RIGI: variants seen among roughly 807,000 people sequenced by gnomAD.
The protein encoded by RIGI is RNA sensor RIG-I, also known as antiviral innate immune response receptor RIG-I.
the RIGI span, chr9:32,500,992 G>A: frequency 6.3e-7 from 1 of 1,592,270 alleles, no homozygotes; most frequent in Non-Finnish European, 8.5e-7. Context: ...TTAATCATTA[G>A]AAGAAAAACC....
At chr9:32,509,371 T>A in the RIGI span, among the ~76,000 whole-genome samples, 1 of 152,186 alleles carries the variant, frequency 6.6e-6, no homozygotes, top group Non-Finnish European at 1.5e-5. Flanking sequence ...ATCTGGCAGG[T>A]GCCCCTCTGG....
At chr9:32,464,453 G>C in the RIGI span, among the ~76,000 whole-genome samples, 3 of 151,984 alleles carry the variant, frequency 2.0e-5, no homozygotes, top group African/African-American at 7.3e-5. Flanking sequence ...GCAGTGGCGC[G>C]ATCTCGGCTC....
At chr9:32,512,732 A>G in the RIGI span, among the ~76,000 whole-genome samples, 2 of 152,206 alleles carry the variant, frequency 1.3e-5, no homozygotes. Context: ...CAATTAGGCA[A>G]GAGAAAGAAA....
the RIGI span, among the ~76,000 whole-genome samples, chr9:32,498,969 C>T: frequency 9.5e-5 from 12 of 126,048 alleles, no homozygotes; most frequent in South Asian, 2.4e-4. Context: ...GGCAACAGAG[C>T]GAGACTCTGT....
the RIGI span, chr9:32,487,897 T>C: frequency 1.3e-6 from 2 of 1,595,086 alleles, no homozygotes; most frequent in African/African-American, 2.7e-5. Context: ...AAATAGGAGT[T>C]AGGAAGATTA....
chr9:32,525,175 G>T, the RIGI span, among the ~76,000 whole-genome samples: 1 of 152,186 alleles, frequency 6.6e-6, no homozygotes, highest in Admixed American at 6.5e-5. Context: ...GCTGTGTAAA[G>T]CTCAGGGCCC....
At chr9:32,480,118 C>T in the RIGI span, 1 of 1,338,018 alleles carries the variant, frequency 7.5e-7, no homozygotes, top group Non-Finnish European at 1.0e-6. Flanking sequence ...ACTCCCTAAG[C>T]ATCCCCAAGT....
At chr9:32,465,396 G>A in the RIGI span, among the ~76,000 whole-genome samples, 2 of 152,098 alleles carry the variant, frequency 1.3e-5, no homozygotes, top group Admixed American at 1.3e-4. Flanking sequence ...TAAAATTATA[G>A]ACACTATGGA....
chr9:32,522,636 G>A, the RIGI span, among the ~76,000 whole-genome samples: 21 of 152,216 alleles, frequency 1.4e-4, no homozygotes, highest in East Asian at 7.7e-4. Context: ...TGGTGGAAGC[G>A]GGGAACAGTA....
the RIGI span, chr9:32,480,255 C>T: frequency 7.3e-5 from 117 of 1,610,468 alleles, 1 homozygote; most frequent in South Asian, 5.5e-4. Flanking sequence ...TCAATCTCAT[C>T]GAATCCTGCT....
chr9:32,506,609 GGTTT>G, the RIGI span, among the ~76,000 whole-genome samples: 1 of 152,036 alleles, frequency 6.6e-6, no homozygotes, highest in Non-Finnish European at 1.5e-5. Flanking sequence ...TATATAATCT[GGTTT>G]GTTTTTCCAG....
At chr9:32,481,609 A>G in the RIGI span, 1 of 784,138 alleles carries the variant, frequency 1.3e-6, no homozygotes. Flanking sequence ...TCCTCGAGGC[A>G]GAGTCTCGCT....
At chr9:32,508,560 C>A in the RIGI span, among the ~76,000 whole-genome samples, 1 of 152,012 alleles carries the variant, frequency 6.6e-6, no homozygotes, top group Non-Finnish European at 1.5e-5. Context: ...GAACAGTGCA[C>A]CCTGGCCCAG....
At chr9:32,489,433 A>C in the RIGI span, 4 of 1,612,742 alleles carry the variant, frequency 2.5e-6, no homozygotes, top group Admixed American at 3.3e-5. Context: ...TGGGCTGTAC[A>C]AGTTTGTATC....
At chr9:32,519,585 G>A in the RIGI span, among the ~76,000 whole-genome samples, 1 of 152,168 alleles carries the variant, frequency 6.6e-6, no homozygotes, top group African/African-American at 2.4e-5. Context: ...TTTAAGTGGT[G>A]TTTATTTCCA....
the RIGI span, chr9:32,476,881 C>A: frequency 9.6e-7 from 1 of 1,046,980 alleles, no homozygotes; most frequent in East Asian, 2.5e-5. Flanking sequence ...CTTGATTTCC[C>A]AAACTTCTGG....
the RIGI span, among the ~76,000 whole-genome samples, chr9:32,480,697 A>C: frequency 1.3e-5 from 2 of 152,352 alleles, no homozygotes; most frequent in East Asian, 3.9e-4. Context: ...TCATAATTCC[A>C]ACATTTCACT....
chr9:32,485,060 A>G, the RIGI span: 2 of 691,024 alleles, frequency 2.9e-6, no homozygotes, highest in East Asian at 2.6e-5. Context: ...AAGGAAGACA[A>G]CCTCTGGATA....
the RIGI span, among the ~76,000 whole-genome samples, chr9:32,514,517 T>C: frequency 6.6e-6 from 1 of 151,530 alleles, no homozygotes; most frequent in African/African-American, 2.4e-5. Context: ...TAAGTGGGAG[T>C]TGAACAGTAA....
Sources: allele counts gnomAD v4.1 joint callset (sites outside exome capture counted in the v4.1 genomes callset), GRCh38; gene constraint gnomAD v4.1.1; transcripts MANE v1.5; gene names NCBI Gene and HGNC (gene_info 2026-07-23, HGNC 2026-07-21).